BRD2: variants seen among roughly 807,000 people sequenced by gnomAD.
The protein encoded by BRD2 is bromodomain-containing protein 2.
A neutral mutation model predicts 79.1 loss-of-function variants in BRD2; 15 were observed. The ratio of observed to expected loss-of-function variants is 0.19; its 90% CI spans 0.13 to 0.29. BRD2 has a LOEUF of 0.29. Ranked by LOEUF, BRD2 falls within the 10% of genes least tolerant of loss-of-function variation. BRD2 has a pLI of 1.00. For synonymous variants in BRD2, 488 were observed against 358.6 expected (o/e 1.36, Z -4.08); for missense variants, 1,053 against 991.3 (o/e 1.06, Z -0.84).
chr6:32,972,427 C>T lies in BRD2; in HGVS notation c.-472C>T, dbSNP rs560970613. ...CCAATCCTCGGAGTCTGTCCACCCC[C>T]TCTACTCCGCCCTCAAGAGGATTTC... On this transcript the variant is annotated 5_prime_UTR_variant, in exon 2 of 13. Coordinates refer to ENST00000374825, the MANE Select transcript of BRD2 (RefSeq NM_005104.4). The T allele has an allele frequency of 9.9e-6, 3 of 303,292 alleles. No individual in the cohort carries two copies. Among genetic ancestry groups the T allele is most frequent in the South Asian group, 3.2e-5 (1 of 31,258 alleles). 18.8% of individuals were successfully genotyped at this position (303,292 alleles called of 1,614,324 possible). A position where few individuals can be genotyped will look rare whatever the true frequency, so the allele number is the denominator to read the frequency against.
rs777829425 is a variant in BRD2, at chr6:32,971,864, A to G, written c.-1035A>G. On this transcript the variant is annotated 5_prime_UTR_variant, in exon 2 of 13. Transcript: ENST00000374825. ...GGCGATGGCTTCCGCACCTCTTCCA[A>G]CCACCCTCTTTCCCTGGAGTCGGCG... The G allele has an allele frequency of 6.7e-5, 47 of 700,028 alleles. No individual in the cohort carries two copies. The highest frequency in any genetic ancestry group is 5.2e-4 in the South Asian group (35 of 67,384). 43.4% of individuals were successfully genotyped at this position (700,028 alleles called of 1,614,324 possible).
rs1417817036 is a variant in BRD2, at chr6:32,972,831, C to T, written c.-68C>T. The T allele has an allele frequency of 3.7e-5, 59 of 1,609,434 alleles. No individual in the cohort carries two copies. The highest frequency in any genetic ancestry group is 4.8e-5 in the Non-Finnish European group (57 of 1,177,136). The stretch of plus-strand genomic sequence containing the variant: ...ACTTAGCGGGTTATGCTGGACCGGG[C>T]GGTGAGGGGAACCGAGGCCACCCGG... On this transcript the variant is annotated 5_prime_UTR_variant, in exon 2 of 13. Transcript: ENST00000374825.
At position 32,971,973 on chromosome 6, in the gene BRD2, C is replaced by CT. The variant is rs1212189191; in HGVS notation, c.-925dup. 25 of 702,918 alleles carry CT rather than the reference C, an allele frequency of 3.6e-5. No homozygotes were observed. Among genetic ancestry groups the CT allele is most frequent in the Non-Finnish European group, 6.5e-5 (25 of 384,984 alleles). 43.5% of individuals were successfully genotyped at this position (702,918 alleles called of 1,614,324 possible). A position where few individuals can be genotyped will look rare whatever the true frequency, so the allele number is the denominator to read the frequency against. On this transcript the variant is annotated 5_prime_UTR_variant, in exon 2 of 13. An upstream open reading frame in the 5' UTR loses its in-frame stop. Transcript: ENST00000374825. ...TCTGCGGCACTCTTCTGCCTGGTGA[C>CT]TGACACCTTGGAAATGAAGTTTATG...
At chr6:32,980,253 C>T (rs552842013) in intron 11 of BRD2, 89 bp from the exon 12 acceptor site, 315 of 1,581,154 alleles carry the variant, frequency 2.0e-4, no homozygotes, top group Non-Finnish European at 2.6e-4. Flanking sequence ...TGGCAGCTGA[C>T]GTTCAAGAAG....
intron 2 of BRD2, among the ~76,000 whole-genome samples, chr6:32,973,430 T>C (rs1778302861): frequency 6.6e-6 from 1 of 152,148 alleles, no homozygotes; most frequent in South Asian, 2.1e-4. Flanking sequence ...ATTAAATCTT[T>C]TGCTTTCTTT....
chr6:32,981,330 T>C lies in BRD2; in HGVS notation c.*612T>C, dbSNP rs1168012287. The C allele has an allele frequency of 1.3e-5, 2 of 152,254 alleles. No homozygotes were observed. The highest frequency in any genetic ancestry group is 2.9e-5 in the Non-Finnish European group (2 of 68,064). The allele number at this position is 152,254 out of a possible 1,614,324, so 9.4% of individuals were successfully genotyped here. A position where few individuals can be genotyped will look rare whatever the true frequency, so the allele number is the denominator to read the frequency against. ...ATTCAAGTTTTGAGTTACCTTAATA[T>C]TTGCTTTTGTAGTGTTTCAAAAGGA... is the stretch of plus-strand genomic sequence containing the variant. On this transcript the variant is annotated 3_prime_UTR_variant, in exon 13 of 13. Transcript: ENST00000374825.
rs1307499268 is a variant in BRD2 at position 32,971,834 on chromosome 6, T to C, written c.-1065T>C. The C allele has an allele frequency of 1.0e-5, 7 of 683,536 alleles. No homozygotes were observed. The highest frequency in any genetic ancestry group is 1.9e-5 in the Non-Finnish European group (7 of 375,564). 42.3% of individuals were successfully genotyped at this position (683,536 alleles called of 1,614,324 possible). ...GAGGCGGGGAGAGAGTGCTGGAGGC[T>C]CTGGGGCGATGGCTTCCGCACCTCT... On this transcript the variant is annotated 5_prime_UTR_variant, in exon 2 of 13. Transcript: ENST00000374825.
rs769669840 is a variant in BRD2 at position 32,974,452 on chromosome 6, A to G, written c.30-10A>G. 7 of 1,604,082 alleles carry G rather than the reference A, an allele frequency of 4.4e-6. No homozygotes were observed. In the South Asian group the frequency reaches 7.7e-5, roughly 18 times the overall value. On this transcript the variant is annotated splice_polypyrimidine_tract_variant and intron_variant, in intron 2 of 12. Transcript: ENST00000374825. ...ACGATATTGCCCTAATTTTGTTCCC[A>G]TCTTTACAGGCTCCCTGGGGAAGGG...
chr6:32,974,348 G>C, intron 2 of BRD2, 114 bp from the exon 3 acceptor site: 1 of 1,057,834 alleles, frequency 9.5e-7, no homozygotes, highest in Non-Finnish European at 1.4e-6. Flanking sequence ...GAAGCACTTG[G>C]CATAAGCTTA....
chr6:32,978,862 C>CA (rs1006173778), intron 10 of BRD2: 5 of 167,342 alleles, frequency 3.0e-5, no homozygotes, highest in African/African-American at 4.8e-5. Context: ...ACAGTGAACT[C>CA]AAAGTAGCCA....
chr6:32,971,979 C>G lies in BRD2; in HGVS notation c.-920C>G. ...GCACTCTTCTGCCTGGTGACTGACA[C>G]CTTGGAAATGAAGTTTATGACGTCA... On this transcript the variant is annotated 5_prime_UTR_variant, in exon 2 of 13. Transcript: ENST00000374825. The G allele has an allele frequency of 1.4e-6, 1 of 702,818 alleles. No homozygotes were observed. The highest frequency in any genetic ancestry group is 1.5e-5 in the South Asian group (1 of 67,562). 43.5% of individuals were successfully genotyped at this position (702,818 alleles called of 1,614,324 possible).
intron 10 of BRD2, chr6:32,979,040 GTGTTT>G (rs374468533): frequency 0.083 from 6,937 of 83,416 alleles, 396 homozygotes; most frequent in Non-Finnish European, 0.13. Context: ...GTGTGGTTTT[GTGTTT>G]TGTTTTTTTT....
intron 1 of BRD2, among the ~76,000 whole-genome samples, chr6:32,970,004 G>T (rs1777801615): frequency 6.6e-6 from 1 of 152,234 alleles, no homozygotes; most frequent in African/African-American, 2.4e-5. Context: ...ACTCATGTGG[G>T]GGAAGGGAGG....
chr6:32,977,540 C>T lies in BRD2; in HGVS notation c.1299C>T (p.His433=), dbSNP rs139231674. 41 of 1,613,872 alleles carry T rather than the reference C, an allele frequency of 2.5e-5. No homozygotes were observed. Among genetic ancestry groups the T allele is most frequent in the Admixed American group, 1.0e-4 (6 of 60,002 alleles). ...GCTATAAGTACAATCCCCCAGATCACGATGTTGTGGCAATGGCACGAAAGC... is the reference window on the plus strand; with the variant it reads ...GCTATAAGTACAATCCCCCAGATCATGATGTTGTGGCAATGGCACGAAAGC... The part of the protein sequence containing the change: ...SNCYKYNPPD[H]DVVAMARKLQ... Residue 433 remains histidine (H), a synonymous_variant, in exon 8 of 13, where the codon CAC becomes CAT. Transcript: ENST00000374825.
At chr6:32,969,744 C>T (rs368527083) in intron 1 of BRD2, among the ~76,000 whole-genome samples, 8 of 152,196 alleles carry the variant, frequency 5.3e-5, no homozygotes, top group African/African-American at 1.9e-4. Flanking sequence ...GAACAGAAAC[C>T]AGGCCCAAGG....
intron 2 of BRD2, among the ~76,000 whole-genome samples, chr6:32,973,813 G>C (rs1778352740): frequency 6.6e-6 from 1 of 151,760 alleles, no homozygotes. Context: ...GAATAATTTT[G>C]AGGGCCTGGA....
Position 32,976,619 on chromosome 6 carries a change from G to C in BRD2, c.883G>C (p.Ala295Pro), listed in dbSNP as rs764704089. 3 of 1,610,960 alleles carry C rather than the reference G, an allele frequency of 1.9e-6. No individual in the cohort carries two copies. The highest frequency in any genetic ancestry group is 2.5e-6 in the Non-Finnish European group (3 of 1,179,632). ...CACCCCTACACCTACAGCCATCTTG[G>C]CTCCTGGTTCTCCAGCTAGCCCTCC... ...TTTPTPTAIL[A>P]PGSPASPPGS... Residue 295 changes from alanine (A) to proline (P), a missense_variant, in exon 7 of 13, where the codon GCT (alanine) becomes CCT (proline). By Grantham distance (27) the Ala-to-Pro change is conservative (BLOSUM62 -1). Around this residue, in one of 5 missense-constraint regions of BRD2, gnomAD observed 454 missense variants for 430.5 expected, o/e 1.05. Transcript: ENST00000374825.
intron 2 of BRD2, 140 bp downstream of exon 2, chr6:32,973,067 A>T: frequency 6.3e-7 from 1 of 1,591,862 alleles, no homozygotes; most frequent in Non-Finnish European, 8.6e-7. Flanking sequence ...GCGCGGAGGG[A>T]ATTGAGCGAC....
chr6:32,979,859 C>T lies in BRD2; in HGVS notation c.1873C>T (p.Pro625Ser). Residue 625 changes from proline to serine, a missense_variant, in exon 11 of 13, where the codon CCT becomes TCT. Around this residue, in one of 5 missense-constraint regions of BRD2, gnomAD observed 454 missense variants for 430.5 expected, o/e 1.05. Coordinates refer to ENST00000374825, the MANE Select transcript of BRD2 (RefSeq NM_005104.4). The stretch of plus-strand genomic sequence containing the variant: ...CAAAAAGGCCACAAAGACAGCCCCA[C>T]CTGCCCTGCCTACAGGTTATGATTC... ...LPKKATKTAP[P>S]ALPTGYDSEE... 1 of 1,612,880 alleles carries T rather than the reference C, an allele frequency of 6.2e-7. No homozygotes were observed. Among genetic ancestry groups the T allele is most frequent in the Non-Finnish European group, 8.5e-7 (1 of 1,179,870 alleles).
Sources: gnomAD v4.1 joint callset for allele counts (sites outside exome capture counted in the v4.1 genomes callset) on GRCh38, gnomAD v4.1.1 for gene constraint, gnomAD v4.1.1 regional missense constraint, MANE v1.5 for transcripts, NCBI Gene and HGNC (gene_info 2026-07-23, HGNC 2026-07-21) for gene names.